Variants in SCFD2 observed in about 807,000 individuals in gnomAD.
The protein encoded by SCFD2 is sec1 family domain containing 2.
Under a neutral mutation model 58.9 loss-of-function variants are expected in SCFD2, and 54 were observed. That is an observed-to-expected ratio of 0.92 (90% CI 0.74 to 1.15). The LOEUF (loss-of-function observed/expected upper bound fraction) is 1.15. Among genes scored for constraint, SCFD2 ranks in the 50% most tolerant of loss-of-function variants. The probability of loss-of-function intolerance (pLI) is 0.00; values close to 1 mark genes in which losing one functional copy is unlikely to be tolerated. For missense variants in SCFD2, 805 were observed against 836.6 expected, an observed-to-expected ratio of 0.96 and a Z score of 0.47; for synonymous variants, 321 against 335.9, an observed-to-expected ratio of 0.96 and a Z score of 0.49.
chr4:53,323,443 A>G (rs1313075325), intron 2 of SCFD2, among the ~76,000 whole-genome samples: 1 of 151,350 alleles, frequency 6.6e-6, no homozygotes. Context: ...GCATAATCAC[A>G]GCTCACTACA....
At chr4:53,155,971 C>T (rs766091171) in intron 4 of SCFD2, among the ~76,000 whole-genome samples, 7 of 152,178 alleles carry the variant, frequency 4.6e-5, no homozygotes, top group Non-Finnish European at 1.0e-4. Flanking sequence ...TTGCAGGTAA[C>T]AACACAGATA....
At chr4:52,941,244 A>G (rs545729564) in intron 5 of SCFD2, among the ~76,000 whole-genome samples, 27 of 152,360 alleles carry the variant, frequency 1.8e-4, no homozygotes, top group Middle Eastern at 6.8e-3. Flanking sequence ...TGAACAAGAC[A>G]ACATACATAC....
intron 5 of SCFD2, among the ~76,000 whole-genome samples, chr4:53,024,667 G>A (rs1313426258): frequency 1.3e-5 from 2 of 149,656 alleles, no homozygotes; most frequent in African/African-American, 2.5e-5. Context: ...AATCATTAGG[G>A]ATAGTACTTT....
intron 5 of SCFD2, among the ~76,000 whole-genome samples, chr4:53,035,505 C>T (rs1317359354): frequency 6.6e-6 from 1 of 152,120 alleles, no homozygotes; most frequent in Non-Finnish European, 1.5e-5. Context: ...AGCTTCTGCA[C>T]AGCAAAAGAA....
At chr4:53,097,183 G>A (rs567947792) in intron 5 of SCFD2, among the ~76,000 whole-genome samples, 1 of 152,290 alleles carries the variant, frequency 6.6e-6, no homozygotes, top group South Asian at 2.1e-4. Context: ...GCTTAGGATT[G>A]TCTTGGCAAT....
chr4:52,981,443 A>G lies in SCFD2; in HGVS notation c.1562-60573T>C, dbSNP rs144610622. Among the ~76,000 whole-genome samples, 541 of 152,310 alleles carry G rather than the reference A, an allele frequency of 3.6e-3. 3 individuals are homozygous for G. The highest frequency in any genetic ancestry group is 0.017 in the Middle Eastern group (5 of 294). On this transcript the variant is annotated intron_variant, in intron 5 of 8. Coordinates refer to ENST00000401642, the MANE Select transcript of SCFD2 (RefSeq NM_152540.4). ...GTTTCAAAGCATTTTATAGTTCTAT[A>G]CTATACTTGGAAAATATTTTCCAAT...
At chr4:53,239,573 C>T (rs1049465397) in intron 4 of SCFD2, among the ~76,000 whole-genome samples, 3 of 152,178 alleles carry the variant, frequency 2.0e-5, no homozygotes, top group African/African-American at 4.8e-5. Context: ...CAACCTCTGC[C>T]TCCTGGGTTC....
intron 5 of SCFD2, among the ~76,000 whole-genome samples, chr4:53,001,042 C>CAATTTTGTAA (rs1362395567): frequency 2.0e-5 from 3 of 152,192 alleles, no homozygotes; most frequent in Non-Finnish European, 2.9e-5. Flanking sequence ...CTTTGTAAAA[C>CAATTTTGTAA]AACACTAGCA....
chr4:52,920,674 A>C (rs1719712341), intron 6 of SCFD2, 51 bp downstream of exon 6: 1 of 1,360,894 alleles, frequency 7.3e-7, no homozygotes, highest in African/African-American at 1.5e-5. Flanking sequence ...TAGACTCTGA[A>C]TCCTAGAAGT....
chr4:53,353,845 GAC>G (rs1231441262), intron 1 of SCFD2, among the ~76,000 whole-genome samples: 2 of 140,600 alleles, frequency 1.4e-5, no homozygotes, highest in Non-Finnish European at 3.0e-5. Flanking sequence ...AGATTAGCTA[GAC>G]ACAGAGCACT....
chr4:52,953,363 G>A (rs773542165), intron 5 of SCFD2, among the ~76,000 whole-genome samples: 4 of 152,200 alleles, frequency 2.6e-5, no homozygotes, highest in African/African-American at 4.8e-5. Flanking sequence ...GGGATAGCCA[G>A]CCTCAAGTAG....
chr4:52,902,474 T>C (rs922617809), intron 7 of SCFD2, among the ~76,000 whole-genome samples: 3 of 152,130 alleles, frequency 2.0e-5, no homozygotes, highest in Non-Finnish European at 4.4e-5. Flanking sequence ...GGGCAGTGTA[T>C]CTATTCTCTT....
intron 6 of SCFD2, among the ~76,000 whole-genome samples, chr4:52,912,133 A>C (rs1164701797): frequency 3.9e-5 from 6 of 152,170 alleles, no homozygotes; most frequent in African/African-American, 1.4e-4. Context: ...AAGTCTACAA[A>C]CAAAACAAAA....
intron 4 of SCFD2, among the ~76,000 whole-genome samples, chr4:53,154,876 T>C (rs1376517786): frequency 2.0e-5 from 3 of 152,170 alleles, no homozygotes; most frequent in East Asian, 1.9e-4. Flanking sequence ...AGATTCAACA[T>C]TTATGGCTTT....
intron 5 of SCFD2, among the ~76,000 whole-genome samples, chr4:53,105,716 C>A (rs1464774364): frequency 6.6e-6 from 1 of 152,192 alleles, no homozygotes; most frequent in African/African-American, 2.4e-5. Flanking sequence ...ACTCCCATCT[C>A]CCTGGGACAG....
chr4:52,887,943 G>A (rs1296503081), intron 7 of SCFD2, among the ~76,000 whole-genome samples: 4 of 117,880 alleles, frequency 3.4e-5, no homozygotes, highest in East Asian at 2.6e-4. Context: ...TCGCTCTGTC[G>A]CCCAGGCCGG....
chr4:53,055,345 C>A (rs1723305514), intron 5 of SCFD2, among the ~76,000 whole-genome samples: 1 of 152,102 alleles, frequency 6.6e-6, no homozygotes, highest in African/African-American at 2.4e-5. Flanking sequence ...ACCTTGGAAG[C>A]CCACATAATG....
At chr4:52,897,916 C>G (rs1719068056) in intron 7 of SCFD2, among the ~76,000 whole-genome samples, 1 of 152,172 alleles carries the variant, frequency 6.6e-6, no homozygotes, top group Admixed American at 6.5e-5. Flanking sequence ...TTATCTATTT[C>G]TTCTAGATTT....
intron 8 of SCFD2, among the ~76,000 whole-genome samples, chr4:52,885,325 A>G (rs1166084796): frequency 6.6e-6 from 1 of 152,156 alleles, no homozygotes; most frequent in Non-Finnish European, 1.5e-5. Flanking sequence ...GCCCCTAAGG[A>G]ATCAAGAATA....
Sources: gnomAD v4.1 joint callset for allele counts (sites outside exome capture counted in the v4.1 genomes callset) on GRCh38, gnomAD v4.1.1 for gene constraint, MANE v1.5 for transcripts, NCBI Gene and HGNC (gene_info 2026-07-23, HGNC 2026-07-21) for gene names.